MTUS1: variants seen among roughly 807,000 people sequenced by gnomAD.
MTUS1 encodes the protein microtubule-associated tumor suppressor 1.
Under a neutral mutation model 120.8 loss-of-function variants are expected in MTUS1, and 109 were observed. The observed-to-expected ratio is 0.90, with a 90% CI of 0.77 to 1.06. The LOEUF (loss-of-function observed/expected upper bound fraction) is 1.06, where lower values mean the gene tolerates loss of function less well. Ranked by LOEUF, MTUS1 falls within the 50% of genes least tolerant of loss-of-function variation. The pLI is 0.00. For missense variants in MTUS1, 2,210 were observed against 1,486.3 expected, an observed-to-expected ratio of 1.49 and a Z score of -8.01; for synonymous variants, 737 against 550.5, an observed-to-expected ratio of 1.34 and a Z score of -4.74.
intron 6 of MTUS1, chr8:17,692,362 G>C (rs1563212381): frequency 6.6e-6 from 1 of 151,966 alleles, no homozygotes. Context: ...GCTACTGTGA[G>C]ATCATGAGGC....
intron 6 of MTUS1, among the ~76,000 whole-genome samples, chr8:17,702,036 A>G (rs1819201555): frequency 6.6e-6 from 1 of 152,198 alleles, no homozygotes; most frequent in Admixed American, 6.5e-5. Flanking sequence ...CAACGAACTT[A>G]ATTCCTGTAA....
intron 6 of MTUS1, chr8:17,697,352 A>G: frequency 1.2e-6 from 2 of 1,614,160 alleles, no homozygotes; most frequent in Non-Finnish European, 1.7e-6. Flanking sequence ...AATGGTGGAT[A>G]AGGAGAATTT....
At chr8:17,770,161 G>C (rs1156816376) in intron 1 of MTUS1, among the ~76,000 whole-genome samples, 3 of 152,086 alleles carry the variant, frequency 2.0e-5, no homozygotes, top group Non-Finnish European at 4.4e-5. Context: ...TTAACCCAAA[G>C]CAGAGCCCTG....
chr8:17,745,973 T>G (rs906531051), intron 2 of MTUS1, among the ~76,000 whole-genome samples: 5 of 152,180 alleles, frequency 3.3e-5, no homozygotes, highest in Non-Finnish European at 4.4e-5. Context: ...TCTGGTTGTT[T>G]AAAAGGGTGT....
chr8:17,704,862 C>G (rs1819834861), intron 6 of MTUS1, among the ~76,000 whole-genome samples: 1 of 152,060 alleles, frequency 6.6e-6, no homozygotes, highest in African/African-American at 2.4e-5. Flanking sequence ...GGTGGTATGT[C>G]CATTTAGCTT....
At chr8:17,783,239 C>T (rs1463644661) in intron 1 of MTUS1, among the ~76,000 whole-genome samples, 1 of 152,320 alleles carries the variant, frequency 6.6e-6, no homozygotes, top group Non-Finnish European at 1.5e-5. Context: ...AGCACCTGCC[C>T]AGTGAAGTCT....
intron 1 of MTUS1, among the ~76,000 whole-genome samples, chr8:17,787,315 G>A (rs937651614): frequency 6.6e-6 from 1 of 152,222 alleles, no homozygotes; most frequent in Non-Finnish European, 1.5e-5. Flanking sequence ...CCATGTGACA[G>A]ACAGGTCACA....
chr8:17,760,736 T>C (rs935167529), intron 1 of MTUS1, among the ~76,000 whole-genome samples: 1 of 151,096 alleles, frequency 6.6e-6, no homozygotes, highest in East Asian at 1.9e-4. Context: ...AAAGTTGCCA[T>C]CTTAGAAATA....
At chr8:17,775,130 C>T (rs1296672561) in intron 1 of MTUS1, among the ~76,000 whole-genome samples, 1 of 151,882 alleles carries the variant, frequency 6.6e-6, no homozygotes, top group African/African-American at 2.4e-5. Flanking sequence ...TAAATGGGTA[C>T]AGTTTCTGTG....
chr8:17,744,137 TTTTC>T lies in MTUS1; in HGVS notation c.2092-342_2092-339del, dbSNP rs2047549056. Among the ~76,000 whole-genome samples the T allele has an allele frequency of 2.6e-5, 4 of 152,312 alleles. No individual in the cohort carries two copies. The South Asian group carries it at 8.3e-4, about 32-fold the overall frequency. Reference sequence around the variant, plus strand: ...ATTGAAGTATTTTACCCCAAAATATTTTTCTTTAACACATTTTGAAATGGCCCTG... The same window carrying T: ...ATTGAAGTATTTTACCCCAAAATATTTTTAACACATTTTGAAATGGCCCTG... On this transcript the variant is annotated intron_variant, in intron 2 of 14. Coordinates refer to ENST00000693296, the MANE Select transcript of MTUS1 (RefSeq NM_001363059.2).
chr8:17,712,737 A>G (rs1488941268), intron 6 of MTUS1, among the ~76,000 whole-genome samples: 1 of 152,064 alleles, frequency 6.6e-6, no homozygotes, highest in East Asian at 1.9e-4. Context: ...TTCTTGAGAG[A>G]CATAAAGTTT....
At chr8:17,704,235 T>C (rs1321227697) in intron 6 of MTUS1, 1 of 152,170 alleles carries the variant, frequency 6.6e-6, no homozygotes, top group African/African-American at 2.4e-5. Context: ...TCCTATCTCA[T>C]AGGCTGCCTT....
chr8:17,722,346 TTC>T (rs1175786158), intron 4 of MTUS1: 10 of 968,820 alleles, frequency 1.0e-5, no homozygotes, highest in Non-Finnish European at 1.2e-5. Context: ...ATGTTGGTGA[TTC>T]TGTTTTGGCA....
At chr8:17,764,795 C>T (rs1287521843) in intron 1 of MTUS1, among the ~76,000 whole-genome samples, 1 of 152,126 alleles carries the variant, frequency 6.6e-6, no homozygotes, top group Non-Finnish European at 1.5e-5. Flanking sequence ...GCTTGCTGAC[C>T]CCTGAACTAG....
chr8:17,669,138 A>T (rs1811494555), intron 8 of MTUS1, among the ~76,000 whole-genome samples: 1 of 152,198 alleles, frequency 6.6e-6, no homozygotes, highest in Non-Finnish European at 1.5e-5. Flanking sequence ...TCTATAAACA[A>T]ATCTCTGTAA....
intron 12 of MTUS1, among the ~76,000 whole-genome samples, chr8:17,652,151 G>C (rs1807143641): frequency 6.6e-6 from 1 of 152,184 alleles, no homozygotes; most frequent in Non-Finnish European, 1.5e-5. Context: ...TGGTACTAAA[G>C]GCAGAAGCAG....
intron 6 of MTUS1, among the ~76,000 whole-genome samples, chr8:17,706,722 T>C (rs770941958): frequency 4.6e-5 from 7 of 152,204 alleles, no homozygotes; most frequent in East Asian, 1.9e-4. Flanking sequence ...AAAGTGCTAA[T>C]TGTATAGATG....
rs758952117 is a variant in MTUS1 at position 17,649,975 on chromosome 8, C to G, written c.3385-13G>C. ...TCTGAGGATTTTTCTGGAAAGGACA[C>G]AGCAAGATACTGCTCTTATTCCACA... On this transcript the variant is annotated splice_polypyrimidine_tract_variant and intron_variant, in intron 12 of 14. Coordinates refer to ENST00000693296, the MANE Select transcript of MTUS1 (RefSeq NM_001363059.2). 2.6e-5 allele frequency: 32 copies of G among 1,244,916 alleles called. No homozygotes were observed. Among genetic ancestry groups the G allele is most frequent in the Non-Finnish European group, 3.6e-5 (30 of 843,650 alleles). The allele number at this position is 1,244,916 out of a possible 1,614,324, so 77.1% of individuals were successfully genotyped here. A position where few individuals can be genotyped will look rare whatever the true frequency, so the allele number is the denominator to read the frequency against.
intron 6 of MTUS1, among the ~76,000 whole-genome samples, chr8:17,699,737 T>G (rs1180795035): frequency 6.6e-6 from 1 of 152,228 alleles, no homozygotes; most frequent in Non-Finnish European, 1.5e-5. Context: ...GTCTGCCTCC[T>G]GGTGGCCGTG....
Sources: allele counts gnomAD v4.1 joint callset (sites outside exome capture counted in the v4.1 genomes callset), GRCh38; gene constraint gnomAD v4.1.1; transcripts MANE v1.5; gene names NCBI Gene and HGNC (gene_info 2026-07-23, HGNC 2026-07-21).